CCDC171: variants seen among roughly 807,000 people sequenced by gnomAD.
CCDC171 encodes the protein coiled-coil domain containing 171.
In CCDC171, 177 loss-of-function variants were observed where a neutral mutation model predicts 168.2. That is an observed-to-expected ratio of 1.05 (90% CI 0.93 to 1.19). The LOEUF (loss-of-function observed/expected upper bound fraction) is 1.19, where lower values mean the gene tolerates loss of function less well. CCDC171 is among the 50% of genes most tolerant of loss of function. The pLI, the probability that CCDC171 is intolerant of heterozygous loss-of-function variation, is 0.00. For missense variants in CCDC171, 1,991 were observed against 1,539.0 expected (o/e 1.29, Z -4.91); for synonymous variants, 687 against 540.8 (o/e 1.27, Z -3.75).
intron 10 of CCDC171, among the ~76,000 whole-genome samples, chr9:15,692,549 A>G (rs575557273): frequency 4.9e-4 from 72 of 146,988 alleles, no homozygotes; most frequent in African/African-American, 1.8e-3. Context: ...TTTTTTTGAG[A>G]CAGAGTCTCA....
chr9:15,676,392 A>C (rs1467652848), intron 9 of CCDC171, among the ~76,000 whole-genome samples: 1 of 151,644 alleles, frequency 6.6e-6, no homozygotes, highest in South Asian at 2.1e-4. Context: ...CGTCAAACTC[A>C]TTCTCCATCC....
chr9:15,916,928 G>A (rs569732688), intron 24 of CCDC171, among the ~76,000 whole-genome samples: 9 of 151,950 alleles, frequency 5.9e-5, no homozygotes, highest in East Asian at 1.9e-4. Flanking sequence ...AAGCCCCTGG[G>A]GCCAAGGATG....
intron 11 of CCDC171, among the ~76,000 whole-genome samples, chr9:15,701,621 C>T (rs943023416): frequency 7.3e-6 from 1 of 136,586 alleles, no homozygotes; most frequent in African/African-American, 2.7e-5. Context: ...GCACTGTTGT[C>T]CGGGCTGGAG....
rs370456104 is a variant in CCDC171 at position 15,797,093 on chromosome 9, G to A, written c.3267+12399G>A. ...TTTATCTGTTATAATGGGTGTATAT[G>A]GTATGTTTTTTGCATTTAATTTGCA... On this transcript the variant is annotated intron_variant, in intron 21 of 25. Coordinates refer to ENST00000380701, the MANE Select transcript of CCDC171 (RefSeq NM_173550.4). 2.6e-5 allele frequency among the ~76,000 whole-genome samples: 4 copies of A among 152,080 alleles called. 1 individual carries two copies. Among genetic ancestry groups the A allele is most frequent in the Admixed American group, 1.3e-4 (2 of 15,294 alleles).
chr9:15,718,630 C>CT (rs1491345237), intron 11 of CCDC171, among the ~76,000 whole-genome samples: 1 of 152,052 alleles, frequency 6.6e-6, no homozygotes, highest in African/African-American at 2.4e-5. Flanking sequence ...CACAGAGAGA[C>CT]TCTGTTTGGG....
chr9:16,045,187 G>A (rs972781669), intron 1 of CCDC171, among the ~76,000 whole-genome samples: 7 of 152,204 alleles, frequency 4.6e-5, no homozygotes, highest in Non-Finnish European at 1.0e-4. Context: ...CACACCCTGA[G>A]ACAATGATTT....
chr9:15,906,408 C>T (rs1430375286), intron 24 of CCDC171, among the ~76,000 whole-genome samples: 2 of 152,122 alleles, frequency 1.3e-5, no homozygotes, highest in Admixed American at 6.5e-5. Context: ...TATAAAAGAA[C>T]CAACAACAAA....
the CCDC171 span, among the ~76,000 whole-genome samples, chr9:16,087,858 T>A: frequency 6.6e-6 from 1 of 152,182 alleles, no homozygotes; most frequent in African/African-American, 2.4e-5. Context: ...CATTATAGTT[T>A]GGTATGTTTT....
At chr9:15,659,544 A>G (rs916546662) in intron 8 of CCDC171, among the ~76,000 whole-genome samples, 2 of 152,176 alleles carry the variant, frequency 1.3e-5, no homozygotes, top group African/African-American at 2.4e-5. Context: ...AACTGTTAAG[A>G]TGTTCTTATT....
chr9:15,717,177 G>C (rs2053146347), intron 11 of CCDC171, among the ~76,000 whole-genome samples: 2 of 152,188 alleles, frequency 1.3e-5, no homozygotes, highest in South Asian at 4.1e-4. Context: ...TGTGCACTTG[G>C]GGAAGGGAGA....
chr9:15,921,326 A>G (rs1185637166), intron 25 of CCDC171, among the ~76,000 whole-genome samples: 2 of 151,658 alleles, frequency 1.3e-5, no homozygotes, highest in African/African-American at 2.4e-5. Flanking sequence ...TAACCAGGGT[A>G]TTCAAAATCA....
At chr9:15,786,273 G>T (rs2057948473) in intron 21 of CCDC171, among the ~76,000 whole-genome samples, 1 of 151,996 alleles carries the variant, frequency 6.6e-6, no homozygotes, top group African/African-American at 2.4e-5. Flanking sequence ...GTAATAGATT[G>T]TGAGCATTCT....
intron 22 of CCDC171, 38 bp downstream of exon 22, chr9:15,846,885 A>T: frequency 1.9e-6 from 3 of 1,555,412 alleles, no homozygotes; most frequent in Non-Finnish European, 1.7e-6. Context: ...CTTAAAACAG[A>T]CAAAAGATCA....
At position 15,663,554 on chromosome 9, in the gene CCDC171, A is replaced by G. The variant is rs573606572; in HGVS notation, c.916-2609A>G. ...GCTATTTTCAACATATGTTAGCAAT[A>G]CATTGTTCTTGAACACTATGTGGAG... On this transcript the variant is annotated intron_variant, in intron 8 of 25. Coordinates refer to ENST00000380701, the MANE Select transcript of CCDC171 (RefSeq NM_173550.4). Among the ~76,000 whole-genome samples, 23 of 152,014 alleles carry G rather than the reference A, an allele frequency of 1.5e-4. No homozygotes were observed. The South Asian group carries it at 2.5e-3, about 16-fold the overall frequency.
intron 8 of CCDC171, among the ~76,000 whole-genome samples, chr9:16,036,888 T>A (rs1369719424): frequency 6.6e-6 from 1 of 152,166 alleles, no homozygotes; most frequent in Admixed American, 6.5e-5. Context: ...TGAATGAGCC[T>A]GGGGGACATG....
At chr9:16,071,866 C>A in the CCDC171 span, among the ~76,000 whole-genome samples, 1 of 152,136 alleles carries the variant, frequency 6.6e-6, no homozygotes, top group African/African-American at 2.4e-5. Flanking sequence ...TTTCTAATAT[C>A]CATTTCAAAC....
chr9:15,935,543 A>G (rs895507788), intron 25 of CCDC171, among the ~76,000 whole-genome samples: 3 of 152,062 alleles, frequency 2.0e-5, no homozygotes, highest in African/African-American at 7.2e-5. Context: ...GTGTTTCTAA[A>G]TTTATAATAA....
chr9:15,771,829 G>A (rs1311961277), intron 18 of CCDC171, among the ~76,000 whole-genome samples: 1 of 152,032 alleles, frequency 6.6e-6, no homozygotes, highest in Admixed American at 6.6e-5. Flanking sequence ...AGATGACCAG[G>A]TAGCTTTTTT....
intron 6 of CCDC171, among the ~76,000 whole-genome samples, chr9:16,027,574 CT>C (rs1367256955): frequency 6.6e-6 from 1 of 152,184 alleles, no homozygotes; most frequent in Non-Finnish European, 1.5e-5. Context: ...TGGAAAGGCG[CT>C]TGTGTATGAA....
Sources: gnomAD v4.1 joint callset for allele counts (sites outside exome capture counted in the v4.1 genomes callset) on GRCh38, gnomAD v4.1.1 for gene constraint, MANE v1.5 for transcripts, NCBI Gene and HGNC (gene_info 2026-07-23, HGNC 2026-07-21) for gene names.